TCEA3: variants seen among roughly 807,000 people sequenced by gnomAD.
TCEA3 encodes transcription elongation factor A3, also known as transcription elongation factor A protein 3.
Under a neutral mutation model 44.0 loss-of-function variants are expected in TCEA3, and 36 were observed. That is an observed-to-expected ratio of 0.82 (90% CI 0.63 to 1.08). The LOEUF (loss-of-function observed/expected upper bound fraction) is 1.08. Among genes scored for constraint, TCEA3 ranks in the 50% least tolerant of loss-of-function variants. The probability of loss-of-function intolerance (pLI) is 0.00; values close to 1 mark genes in which losing one functional copy is unlikely to be tolerated. For synonymous variants in TCEA3, 162 were observed against 159.7 expected (o/e 1.01, Z -0.11); for missense variants, 392 against 441.2 (o/e 0.89, Z 1.00).
At chr1:23,395,508 G>C (rs1017748886) in intron 7 of TCEA3, among the ~76,000 whole-genome samples, 1 of 152,240 alleles carries the variant, frequency 6.6e-6, no homozygotes, top group African/African-American at 2.4e-5. Context: ...GTTTGATGCA[G>C]CTTTGATTTC....
chr1:23,423,889 T>A (rs1283165185), intron 1 of TCEA3: 5 of 454,456 alleles, frequency 1.1e-5, no homozygotes, highest in African/African-American at 2.0e-5. Context: ...CCCTCCGCCC[T>A]CGCCCTCGCT....
intron 1 of TCEA3, among the ~76,000 whole-genome samples, chr1:23,419,697 G>C (rs1273774438): frequency 6.6e-6 from 1 of 152,074 alleles, no homozygotes; most frequent in African/African-American, 2.4e-5. Context: ...TTAGCCAGGC[G>C]TGGTGGCGCA....
chr1:23,404,173 A>G (rs1383607413), intron 5 of TCEA3: 1 of 702,332 alleles, frequency 1.4e-6, no homozygotes, highest in Admixed American at 2.0e-5. Flanking sequence ...GCAAATGGCA[A>G]ATCATTCTGA....
intron 9 of TCEA3, among the ~76,000 whole-genome samples, chr1:23,385,037 C>T (rs1331259224): frequency 6.6e-6 from 1 of 152,096 alleles, no homozygotes; most frequent in African/African-American, 2.4e-5. Flanking sequence ...AGACCTGAGG[C>T]CCAGAGAGGG....
chr1:23,420,845 C>T (rs1640042144), intron 1 of TCEA3, among the ~76,000 whole-genome samples: 1 of 152,186 alleles, frequency 6.6e-6, no homozygotes, highest in Non-Finnish European at 1.5e-5. Context: ...CCCTCCGACC[C>T]ATTTCAGCCT....
chr1:23,424,522 C>T lies in TCEA3; in HGVS notation c.69+43G>A, dbSNP rs769344499. 6.4e-6 allele frequency: 10 copies of T among 1,561,790 alleles called. No individual in the cohort carries two copies. In the African/African-American group the frequency reaches 1.4e-4, roughly 21 times the overall value. ...CCCCGGAATCCGGGGCTTGCCCGCGCCTCCCGGGGGCGGGGGCCGTGGCCC... is the reference window on the plus strand; with the variant it reads ...CCCCGGAATCCGGGGCTTGCCCGCGTCTCCCGGGGGCGGGGGCCGTGGCCC... On this transcript the variant is annotated intron_variant, in intron 1 of 10. Transcript: ENST00000450454.
At position 23,419,081 on chromosome 1, in the gene TCEA3, AG is replaced by A. The variant is rs1639981075; in HGVS notation, c.127del (p.Leu43TyrfsTer37). 2 of 1,249,648 alleles carry A rather than the reference AG, an allele frequency of 1.6e-6. No homozygotes were observed. Among genetic ancestry groups the A allele is most frequent in the Non-Finnish European group, 2.1e-6 (2 of 950,098 alleles). The allele number at this position is 1,249,648 out of a possible 1,614,324, so 77.4% of individuals were successfully genotyped here. On this transcript the variant is annotated frameshift_variant, in exon 2 of 11. Transcript: ENST00000450454. LOFTEE classifies it high-confidence loss of function. ...GGCTTCCCACCCCCGCCCCACCTGT[AG>A]TAGCTGGATGGACATCTGGCAGCTG... ...LHSCQMSIQL[L>X]QTTRIGVAVN...
chr1:23,404,889 C>T (rs940183890), intron 5 of TCEA3, among the ~76,000 whole-genome samples: 1 of 152,004 alleles, frequency 6.6e-6, no homozygotes, highest in African/African-American at 2.4e-5. Context: ...TTGCTTGAGC[C>T]CAGGAGGTTG....
chr1:23,410,189 TTC>T (rs1639669617), intron 4 of TCEA3, among the ~76,000 whole-genome samples: 1 of 151,570 alleles, frequency 6.6e-6, no homozygotes, highest in African/African-American at 2.4e-5. Flanking sequence ...GCCCTGGGAG[TTC>T]TTCTGTGGGG....
At chr1:23,401,145 T>C (rs777276843) in intron 5 of TCEA3, among the ~76,000 whole-genome samples, 35 of 152,114 alleles carry the variant, frequency 2.3e-4, no homozygotes, top group Non-Finnish European at 4.7e-4. Context: ...CCCCCACCTC[T>C]TGCTGTTTGG....
At chr1:23,399,148 A>ATATG (rs1196209584) in intron 5 of TCEA3, among the ~76,000 whole-genome samples, 15 of 99,268 alleles carry the variant, frequency 1.5e-4, no homozygotes, top group Non-Finnish European at 2.6e-4. Context: ...ATATATGTAT[A>ATATG]TATATATATA....
At position 23,381,345 on chromosome 1, in the gene TCEA3, C is replaced by A; in HGVS notation, c.*121G>T. 1 of 725,930 alleles carries A rather than the reference C, an allele frequency of 1.4e-6. No individual in the cohort carries two copies. 45.0% of individuals were successfully genotyped at this position (725,930 alleles called of 1,614,324 possible). A position where few individuals can be genotyped will look rare whatever the true frequency, so the allele number is the denominator to read the frequency against. On this transcript the variant is annotated 3_prime_UTR_variant, in exon 11 of 11. Coordinates refer to ENST00000450454, the MANE Select transcript of TCEA3 (RefSeq NM_003196.3). ...AAGAGAATTCTTCCTCTAACTCATA[C>A]CATCCCACTCAGACAGAGTTCAGTA...
chr1:23,398,683 T>C (rs1639292541), intron 5 of TCEA3, among the ~76,000 whole-genome samples: 1 of 152,226 alleles, frequency 6.6e-6, no homozygotes, highest in African/African-American at 2.4e-5. Context: ...GGTACACCAC[T>C]GAGATTTGCC....
intron 4 of TCEA3, 39 bp downstream of exon 4, chr1:23,417,210 A>C: frequency 6.2e-7 from 1 of 1,602,650 alleles, no homozygotes; most frequent in South Asian, 1.1e-5. Flanking sequence ...AGGACGTGAC[A>C]AGTGTCAGCT....
chr1:23,392,805 C>T (rs948355088), intron 8 of TCEA3, among the ~76,000 whole-genome samples: 2 of 152,066 alleles, frequency 1.3e-5, no homozygotes, highest in Non-Finnish European at 2.9e-5. Context: ...CCACACTCCA[C>T]ACATCATATA....
chr1:23,383,411 C>G, intron 10 of TCEA3: 14 of 939,720 alleles, frequency 1.5e-5, no homozygotes, highest in Non-Finnish European at 1.8e-5. Context: ...GTAAGAATAA[C>G]ATTATAAAGG....
intron 4 of TCEA3, among the ~76,000 whole-genome samples, chr1:23,413,251 C>G (rs984248524): frequency 1.3e-5 from 2 of 151,826 alleles, no homozygotes; most frequent in Non-Finnish European, 2.9e-5. Flanking sequence ...ATCCTCCCAC[C>G]TCAGCCTCCC....
At chr1:23,384,935 C>T (rs1179109333) in intron 9 of TCEA3, among the ~76,000 whole-genome samples, 1 of 152,122 alleles carries the variant, frequency 6.6e-6, no homozygotes, top group Non-Finnish European at 1.5e-5. Context: ...TTCCCTGACT[C>T]ACCCCTGAAC....
At chr1:23,397,323 G>T (rs765737841) in intron 7 of TCEA3, among the ~76,000 whole-genome samples, 6 of 152,218 alleles carry the variant, frequency 3.9e-5, no homozygotes, top group Admixed American at 6.5e-5. Flanking sequence ...CTGTGGGGTT[G>T]TTATCAACAC....
Sources: gnomAD v4.1 joint callset for allele counts (sites outside exome capture counted in the v4.1 genomes callset) on GRCh38, gnomAD v4.1.1 for gene constraint, MANE v1.5 for transcripts, NCBI Gene and HGNC (gene_info 2026-07-23, HGNC 2026-07-21) for gene names.